IL1RAPL2: variants seen among roughly 807,000 people sequenced by gnomAD.
IL1RAPL2 encodes interleukin 1 receptor accessory protein like 2.
Under a neutral mutation model 44.1 loss-of-function variants are expected in IL1RAPL2, and 3 were observed. The ratio of observed to expected loss-of-function variants is 0.07; its 90% confidence interval spans 0.03 to 0.18. The LOEUF is 0.18. Ranked by LOEUF, IL1RAPL2 falls within the 10% of genes least tolerant of loss-of-function variation. The probability of loss-of-function intolerance (pLI) is 1.00; values close to 1 mark genes in which losing one functional copy is unlikely to be tolerated. For missense variants in IL1RAPL2, 391 were observed against 496.4 expected, an observed-to-expected ratio of 0.79 and a Z score of 2.02; for synonymous variants, 181 against 178.8, an observed-to-expected ratio of 1.01 and a Z score of -0.10.
intron 2 of IL1RAPL2, among the ~76,000 whole-genome samples, chrX:105,012,028 T>G (rs370711083): frequency 9.0e-6 from 1 of 111,411 alleles, no homozygotes; most frequent in South Asian, 3.7e-4. Context: ...CCATCTTTAA[T>G]CACAGGATAG....
At chrX:105,138,997 ATC>A (rs1335339413) in intron 2 of IL1RAPL2, among the ~76,000 whole-genome samples, 3 of 111,207 alleles carry the variant, frequency 2.7e-5, no homozygotes, top group Non-Finnish European at 5.7e-5. Flanking sequence ...AGAGAAATAA[ATC>A]TCTCTCATAC....
intron 2 of IL1RAPL2, among the ~76,000 whole-genome samples, chrX:104,688,240 G>A (rs1215399448): frequency 8.9e-6 from 1 of 111,901 alleles, no homozygotes; most frequent in Admixed American, 9.5e-5. Flanking sequence ...TCTCAGAGAG[G>A]TTGTCACTAA....
chrX:105,005,063 G>T (rs1381965196), intron 2 of IL1RAPL2, among the ~76,000 whole-genome samples: 4 of 111,117 alleles, frequency 3.6e-5, no homozygotes, highest in African/African-American at 1.3e-4. Flanking sequence ...GATCTACCCT[G>T]TCTCTGGATT....
At chrX:105,052,702 GTTTC>G in intron 2 of IL1RAPL2, among the ~76,000 whole-genome samples, 1 of 108,344 alleles carries the variant, frequency 9.2e-6, no homozygotes, top group Middle Eastern at 4.7e-3. Flanking sequence ...GATTTCAGCT[GTTTC>G]TTTTTTTTTT....
At chrX:105,539,393 C>G (rs1281239364) in intron 6 of IL1RAPL2, among the ~76,000 whole-genome samples, 1 of 110,846 alleles carries the variant, frequency 9.0e-6, no homozygotes, top group African/African-American at 3.3e-5. Flanking sequence ...ATCTGATATT[C>G]GACAAAGTAG....
At chrX:105,248,296 GA>G (rs1409345285) in intron 4 of IL1RAPL2, among the ~76,000 whole-genome samples, 1 of 111,235 alleles carries the variant, frequency 9.0e-6, no homozygotes, top group African/African-American at 3.3e-5. Flanking sequence ...TGGAAAAGAA[GA>G]GACAAAATAA....
chrX:105,395,543 C>T (rs982607964), intron 5 of IL1RAPL2, among the ~76,000 whole-genome samples: 1 of 110,680 alleles, frequency 9.0e-6, no homozygotes, highest in African/African-American at 3.3e-5. Flanking sequence ...CATATATCTT[C>T]AGTACATTCA....
At chrX:105,272,258 T>C (rs1419528283) in intron 5 of IL1RAPL2, among the ~76,000 whole-genome samples, 1 of 109,018 alleles carries the variant, frequency 9.2e-6, no homozygotes, top group African/African-American at 3.4e-5. Context: ...AATGTGCACA[T>C]GTACCCTAAA....
chrX:104,584,029 A>T (rs1001837850), intron 1 of IL1RAPL2, among the ~76,000 whole-genome samples: 3 of 111,390 alleles, frequency 2.7e-5, no homozygotes, highest in Non-Finnish European at 5.7e-5. Flanking sequence ...GTGTGGGTCA[A>T]GAACCACATG....
chrX:104,926,721 T>C (rs187860111), intron 2 of IL1RAPL2, among the ~76,000 whole-genome samples: 220 of 111,901 alleles, frequency 2.0e-3, no homozygotes, highest in Admixed American at 5.9e-3. Context: ...TAATAGTAAA[T>C]CTTTGCTCAT....
chrX:105,704,741 A>C (rs1035268843), intron 6 of IL1RAPL2, among the ~76,000 whole-genome samples: 1 of 110,818 alleles, frequency 9.0e-6, no homozygotes, highest in Non-Finnish European at 1.9e-5. Flanking sequence ...TATTAAGCCC[A>C]GCATGCATTA....
intron 1 of IL1RAPL2, among the ~76,000 whole-genome samples, chrX:104,630,347 C>G (rs1230424850): frequency 9.0e-6 from 1 of 110,995 alleles, no homozygotes; most frequent in African/African-American, 3.3e-5. Context: ...CGGACTTTCA[C>G]CATGTTGGTC....
chrX:104,834,482 C>T (rs985636234), intron 2 of IL1RAPL2, among the ~76,000 whole-genome samples: 3 of 111,401 alleles, frequency 2.7e-5, no homozygotes, highest in Non-Finnish European at 5.6e-5. Flanking sequence ...CACTACAAAA[C>T]TTCAGAGAAA....
intron 6 of IL1RAPL2, among the ~76,000 whole-genome samples, chrX:105,599,769 A>G (rs1371960806): frequency 2.7e-5 from 3 of 111,431 alleles, no homozygotes; most frequent in Non-Finnish European, 3.8e-5. Context: ...AAACAAGGTA[A>G]TAAGTGAAGT....
intron 2 of IL1RAPL2, among the ~76,000 whole-genome samples, chrX:104,713,473 C>T (rs191846064): frequency 1.3e-3 from 140 of 110,895 alleles, no homozygotes; most frequent in African/African-American, 4.5e-3. Context: ...GGACAGAGAA[C>T]TTGTTTTTGA....
At chrX:105,461,299 T>A (rs1224011735) in intron 5 of IL1RAPL2, among the ~76,000 whole-genome samples, 1 of 110,888 alleles carries the variant, frequency 9.0e-6, no homozygotes, top group Non-Finnish European at 1.9e-5. Flanking sequence ...AGAACATTAG[T>A]CCCCTTCAGC....
intron 5 of IL1RAPL2, among the ~76,000 whole-genome samples, chrX:105,333,459 G>C (rs1034403015): frequency 1.8e-5 from 2 of 111,550 alleles, no homozygotes; most frequent in Non-Finnish European, 3.8e-5. Context: ...CCTGGGCAAA[G>C]ATTTTCTGAG....
At chrX:105,027,344 C>T in intron 2 of IL1RAPL2, among the ~76,000 whole-genome samples, 1 of 111,277 alleles carries the variant, frequency 9.0e-6, no homozygotes, top group Non-Finnish European at 1.9e-5. Context: ...AGTTAAAAAG[C>T]TTCTGCACAC....
intron 4 of IL1RAPL2, among the ~76,000 whole-genome samples, chrX:105,245,379 T>G (rs973470589): frequency 9.0e-6 from 1 of 111,220 alleles, no homozygotes; most frequent in Non-Finnish European, 1.9e-5. Flanking sequence ...AAGCTAGAGG[T>G]GAATCAGGTG....
Sources: allele counts gnomAD v4.1 joint callset (sites outside exome capture counted in the v4.1 genomes callset), GRCh38; gene constraint gnomAD v4.1.1; transcripts MANE v1.5; gene names NCBI Gene and HGNC (gene_info 2026-07-23, HGNC 2026-07-21).